Variants in NR1D1 observed in about 807,000 individuals in gnomAD.
NR1D1 encodes nuclear receptor subfamily 1 group D member 1.
A neutral mutation model predicts 51.1 loss-of-function variants in NR1D1; 17 were observed. That is an observed-to-expected ratio of 0.33 (90% CI 0.23 to 0.50). The LOEUF (loss-of-function observed/expected upper bound fraction) is 0.50, where lower values mean the gene tolerates loss of function less well. Among genes scored for constraint, NR1D1 ranks in the 20% least tolerant of loss-of-function variants. The pLI, the probability that NR1D1 is intolerant of heterozygous loss-of-function variation, is 0.98. For missense variants in NR1D1, 647 were observed against 830.4 expected, an observed-to-expected ratio of 0.78 and a Z score of 2.71; for synonymous variants, 341 against 333.4, an observed-to-expected ratio of 1.02 and a Z score of -0.25.
chr17:40,099,922 A>C, intron 1 of NR1D1, 142 bp downstream of exon 1: 1 of 694,190 alleles, frequency 1.4e-6, no homozygotes, highest in Non-Finnish European at 2.6e-6. Context: ...TGGAAATCCC[A>C]CACTAAAGCA....
intron 1 of NR1D1, among the ~76,000 whole-genome samples, chr17:40,098,921 G>A (rs1987816844): frequency 1.3e-5 from 2 of 152,298 alleles, no homozygotes; most frequent in South Asian, 2.1e-4. Flanking sequence ...GAGTGAGAAG[G>A]GTGGTTAGGG....
chr17:40,099,582 C>A (rs1390536660), intron 1 of NR1D1, among the ~76,000 whole-genome samples: 1 of 152,098 alleles, frequency 6.6e-6, no homozygotes. Flanking sequence ...GAGATCCGAA[C>A]GATTCTCCCA....
chr17:40,098,002 C>G (rs1987798995), intron 1 of NR1D1, among the ~76,000 whole-genome samples: 1 of 152,188 alleles, frequency 6.6e-6, no homozygotes, highest in African/African-American at 2.4e-5. Flanking sequence ...GAGAGTGAGC[C>G]ACAGTGGAGT....
At chr17:40,100,019 G>A (rs368023000) in intron 1 of NR1D1, 45 bp downstream of exon 1, 1 of 1,423,702 alleles carries the variant, frequency 7.0e-7, no homozygotes. Context: ...ATGGAGGTGG[G>A]GAGACAGTGA....
At chr17:40,094,719 G>A (rs1471617318) in intron 6 of NR1D1, among the ~76,000 whole-genome samples, 4 of 152,178 alleles carry the variant, frequency 2.6e-5, no homozygotes, top group African/African-American at 7.2e-5. Context: ...CCAACATGGC[G>A]AAACCCTGTC....
At chr17:40,096,152 T>C (rs1022975607) in intron 4 of NR1D1, 65 bp from the exon 5 acceptor site, 1 of 1,566,652 alleles carries the variant, frequency 6.4e-7, no homozygotes, top group Admixed American at 1.8e-5. Context: ...TCTTCCTTCC[T>C]TCCTCCTGAA....
intron 1 of NR1D1, among the ~76,000 whole-genome samples, chr17:40,099,270 G>T (rs1185026113): frequency 6.6e-6 from 1 of 152,236 alleles, no homozygotes; most frequent in Non-Finnish European, 1.5e-5. Flanking sequence ...CCACCAGGTC[G>T]TGGGCTGGAC....
Position 40,093,508 on chromosome 17 carries a change from C to A in NR1D1, c.1646-226G>T. 7.2e-7 allele frequency: 1 copy of A among 1,393,684 alleles called. No individual in the cohort carries two copies. Among genetic ancestry groups the A allele is most frequent in the Non-Finnish European group, 9.5e-7 (1 of 1,048,878 alleles). The allele number at this position is 1,393,684 out of a possible 1,614,324, so 86.3% of individuals were successfully genotyped here. A position where few individuals can be genotyped will look rare whatever the true frequency, so the allele number is the denominator to read the frequency against. On this transcript the variant is annotated intron_variant, in intron 7 of 7. Transcript: ENST00000246672. The surrounding 1 kb of genome is among the most constrained non-coding windows in gnomAD (Gnocchi z 5.9). ...TCAGCAGGGCTGGTCACCTCCCATCCCGTAAGACCACCTTCCCTTCCTCAG... is the reference window on the plus strand; with the variant it reads ...TCAGCAGGGCTGGTCACCTCCCATCACGTAAGACCACCTTCCCTTCCTCAG...
Position 40,093,280 on chromosome 17 carries a change from G to C in NR1D1, c.1648C>G (p.Arg550Gly). 1 of 1,613,652 alleles carries C rather than the reference G, an allele frequency of 6.2e-7. No individual in the cohort carries two copies. Among genetic ancestry groups the C allele is most frequent in the Non-Finnish European group, 8.5e-7 (1 of 1,180,030 alleles). Residue 550 changes from arginine to glycine, a missense_variant and splice_region_variant, in exon 8 of 8, where the codon CGC (arginine) becomes GGC (glycine). By Grantham distance (125) the Arg-to-Gly change is moderately radical. Coordinates refer to ENST00000246672, the MANE Select transcript of NR1D1 (RefSeq NM_021724.5). This position sits in a 1 kb window ranked among gnomAD's most constrained non-coding sequence, Gnocchi z 5.9. The part of the protein sequence containing the change: ...FTAVVLVSAD[R>G]SGMENSASVE... ...GAAGCGGAATTCTCCATGCCCGAGC[G>C]GTCTGTGGGGAAGACGACAGCAGTG...
intron 1 of NR1D1, among the ~76,000 whole-genome samples, chr17:40,098,096 C>T (rs1987800075): frequency 6.6e-6 from 1 of 152,174 alleles, no homozygotes; most frequent in South Asian, 2.1e-4. Context: ...CTCTAAAATT[C>T]CCCCTTCAGA....
chr17:40,093,815 G>T lies in NR1D1; in HGVS notation c.1645+97C>A. 1 of 1,093,402 alleles carries T rather than the reference G, an allele frequency of 9.1e-7. No individual in the cohort carries two copies. The highest frequency in any genetic ancestry group is 1.3e-5 in the South Asian group (1 of 74,878). 67.7% of individuals were successfully genotyped at this position (1,093,402 alleles called of 1,614,324 possible). On this transcript the variant is annotated intron_variant, in intron 7 of 7. Transcript: ENST00000246672. The surrounding 1 kb of genome is among the most constrained non-coding windows in gnomAD (Gnocchi z 5.9). ...AATCATGTCTGTATCCCCAGTGCCCGGTGCAGGGCCTGGCATAGAGTAGGT... is the reference window on the plus strand; with the variant it reads ...AATCATGTCTGTATCCCCAGTGCCCTGTGCAGGGCCTGGCATAGAGTAGGT...
chr17:40,095,369 G>T, intron 5 of NR1D1, 75 bp downstream of exon 5: 1 of 1,491,444 alleles, frequency 6.7e-7, no homozygotes, highest in Non-Finnish European at 8.9e-7. Context: ...GGAACCCCCA[G>T]CTGCCCTACA....
Position 40,095,736 on chromosome 17 carries a change from G to A in NR1D1, c.956C>T (p.Ala319Val), listed in dbSNP as rs144901245. 746 of 1,614,104 alleles carry A rather than the reference G, an allele frequency of 4.6e-4. No homozygotes were observed. Among genetic ancestry groups the A allele is most frequent in the Non-Finnish European group, 6.1e-4 (716 of 1,179,984 alleles). Residue 319 changes from alanine to valine, a missense_variant, in exon 5 of 8, where the codon GCA becomes GTA. Transcript: ENST00000246672. ...GGTGGTGGCTGGAGGGCTACCTGAT[G>A]CATGGTTGGCATTGAAGTTGCCAGG... Reference protein sequence around the residue: ...SSPGNFNANHASGSPPATTPH... With the variant: ...SSPGNFNANHVSGSPPATTPH...
At position 40,094,427 on chromosome 17, in the gene NR1D1, G is replaced by A. The variant is rs956902286; in HGVS notation, c.1435-305C>T. On this transcript the variant is annotated intron_variant, in intron 6 of 7. Coordinates refer to ENST00000246672, the MANE Select transcript of NR1D1 (RefSeq NM_021724.5). ...AGGCATTATTTCAGTGTAATGGGTTGTGATTAAATTCCAGCTGAGATGACA... is the reference window on the plus strand; with the variant it reads ...AGGCATTATTTCAGTGTAATGGGTTATGATTAAATTCCAGCTGAGATGACA... Among the ~76,000 whole-genome samples the A allele has an allele frequency of 5.3e-4, 81 of 152,238 alleles. 2 individuals are homozygous for A. The highest frequency in any genetic ancestry group is 7.3e-5 in the Non-Finnish European group (5 of 68,052).
Position 40,095,907 on chromosome 17 carries a change from G to A in NR1D1, c.785C>T (p.Pro262Leu). The A allele has an allele frequency of 6.2e-7, 1 of 1,612,888 alleles. No individual in the cohort carries two copies. The highest frequency in any genetic ancestry group is 1.1e-5 in the South Asian group (1 of 90,992). Residue 262 changes from proline (P) to leucine (L), a missense_variant, in exon 5 of 8, where the codon CCC becomes CTC. By Grantham distance (98) the Pro-to-Leu change is moderately conservative. Transcript: ENST00000246672. The part of the protein sequence containing the change: ...PSPPPAPVPS[P>L]LVGFSQFPQQ... ...TGGAAACTGGGAGAAGCCCACCAGG[G>A]GTGAGGGGACCGGAGCAGGGGGTGG... is the stretch of plus-strand genomic sequence containing the variant.
Position 40,093,992 on chromosome 17 carries a change from T to C in NR1D1, c.1565A>G (p.Asp522Gly). ...GMGDLLSAMF[D>G]FSEKLNSLAL... ...CAGGGAGTTGAGCTTCTCGCTGAAG[T>C]CGAACATGGCACTGAGCAGGTCTCC... Residue 522 changes from aspartate (D) to glycine (G), a missense_variant, in exon 7 of 8, where the codon GAC (aspartate) becomes GGC (glycine). By Grantham distance (94) the Asp-to-Gly change is moderately conservative. This residue lies in a region of NR1D1 where 155 missense variants were observed against 236.8 expected (regional missense o/e 0.65). Transcript: ENST00000246672. The surrounding 1 kb of genome is among the most constrained non-coding windows in gnomAD (Gnocchi z 5.9). 6.2e-7 allele frequency: 1 copy of C among 1,613,952 alleles called. No individual in the cohort carries two copies. Among genetic ancestry groups the C allele is most frequent in the East Asian group, 2.2e-5 (1 of 44,878 alleles).
Position 40,095,117 on chromosome 17 carries a change from A to G in NR1D1, c.1252T>C (p.Cys418Arg). 1 of 1,604,012 alleles carries G rather than the reference A, an allele frequency of 6.2e-7. No individual in the cohort carries two copies. Among genetic ancestry groups the G allele is most frequent in the Non-Finnish European group, 8.5e-7 (1 of 1,173,382 alleles). ...CCATGCGGGTACATGTTCATAGGACATGCCTGGGGGAGGAAAAGATTGAAG... is the reference window on the plus strand; with the variant it reads ...CCATGCGGGTACATGTTCATAGGACGTGCCTGGGGGAGGAAAAGATTGAAG... The part of the protein sequence containing the change: ...QGNSKNVLLA[C>R]PMNMYPHGRS... Residue 418 changes from cysteine (C) to arginine (R), a missense_variant, in exon 6 of 8, where the codon TGT becomes CGT. Transcript: ENST00000246672.
chr17:40,095,267 C>T (rs1987728678), intron 5 of NR1D1, 147 bp from the exon 6 acceptor site: 1 of 1,131,684 alleles, frequency 8.8e-7, no homozygotes, highest in East Asian at 2.6e-5. Flanking sequence ...CAATTAGGTG[C>T]CAGGTGGAGA....
In NR1D1 at chr17:40,095,116, C is replaced by T; in HGVS notation, c.1253G>A (p.Cys418Tyr). ...TCCATGCGGGTACATGTTCATAGGA[C>T]ATGCCTGGGGGAGGAAAAGATTGAA... ...QGNSKNVLLA[C>Y]PMNMYPHGRS... The change falls in exon 6 of 8, where the codon TGT (cysteine) becomes TAT (tyrosine). Residue 418 changes from cysteine to tyrosine, a missense_variant. Coordinates refer to ENST00000246672, the MANE Select transcript of NR1D1 (RefSeq NM_021724.5). The T allele has an allele frequency of 6.2e-7, 1 of 1,606,074 alleles. No individual in the cohort carries two copies. Among genetic ancestry groups the T allele is most frequent in the Non-Finnish European group, 8.5e-7 (1 of 1,174,926 alleles).
Sources: gnomAD v4.1 joint callset for allele counts (sites outside exome capture counted in the v4.1 genomes callset) on GRCh38, gnomAD v4.1.1 for gene constraint, gnomAD v4.1.1 regional missense constraint, Gnocchi (gnomAD v3.1) non-coding constraint, MANE v1.5 for transcripts, NCBI Gene and HGNC (gene_info 2026-07-23, HGNC 2026-07-21) for gene names.